MROH2B: variants seen among roughly 807,000 people sequenced by gnomAD.
The protein encoded by MROH2B is maestro heat like repeat family member 2B.
Under a neutral mutation model 208.6 loss-of-function variants are expected in MROH2B, and 177 were observed. That is an observed-to-expected ratio of 0.85 (90% CI 0.75 to 0.96). The LOEUF (loss-of-function observed/expected upper bound fraction) is 0.96. Ranked by LOEUF, MROH2B falls within the 40% of genes least tolerant of loss-of-function variation. The probability of loss-of-function intolerance (pLI) is 0.00; values close to 1 mark genes in which losing one functional copy is unlikely to be tolerated. For synonymous variants in MROH2B, 728 were observed against 659.0 expected, an observed-to-expected ratio of 1.10 and a Z score of -1.60; for missense variants, 2,002 against 1,878.7, an observed-to-expected ratio of 1.07 and a Z score of -1.21.
chr5:41,038,950 T>A, intron 20 of MROH2B, 62 bp from the exon 21 acceptor site: 1 of 1,486,098 alleles, frequency 6.7e-7, no homozygotes, highest in Non-Finnish European at 9.1e-7. Context: ...TTCTCTCATG[T>A]TTTTTTCCTA....
At chr5:41,032,222 C>T (rs2150166447) in intron 24 of MROH2B, among the ~76,000 whole-genome samples, 1 of 152,264 alleles carries the variant, frequency 6.6e-6, no homozygotes, top group South Asian at 2.1e-4. Flanking sequence ...CTTTTCTCCA[C>T]AACCTTAGCA....
At chr5:41,045,686 A>C in intron 18 of MROH2B, 60 bp downstream of exon 18, 1 of 1,257,148 alleles carries the variant, frequency 8.0e-7, no homozygotes, top group Non-Finnish European at 1.2e-6. Context: ...AGATGGAGCT[A>C]GAGCAGCCAT....
At chr5:41,006,032 C>CAAAAAAAAAA (rs5867531) in intron 34 of MROH2B, among the ~76,000 whole-genome samples, 2 of 129,914 alleles carry the variant, frequency 1.5e-5, no homozygotes, top group African/African-American at 5.9e-5. Context: ...ATTCTGTCTC[C>CAAAAAAAAAA]AAAAAAAAAA....
At position 41,042,102 on chromosome 5, in the gene MROH2B, T is replaced by A. The variant is rs16870720; in HGVS notation, c.1943A>T (p.Asp648Val). The change falls in exon 19 of 42, where the codon GAT becomes GTT. Residue 648 changes from aspartate to valine, a missense_variant. By Grantham distance (152) the Asp-to-Val change is radical (BLOSUM62 -3). Transcript: ENST00000399564. ...EFLTAPNQLGDQRQGITSILG... is the reference protein window; with the variant it reads ...EFLTAPNQLGVQRQGITSILG... Reference sequence around the variant, plus strand: ...AGCAAGGGGTCCCACCTGTCTTTGATCCCCCAGTTGGTTGGGAGCAGTCAG... The same window carrying A: ...AGCAAGGGGTCCCACCTGTCTTTGAACCCCCAGTTGGTTGGGAGCAGTCAG... 0.032 allele frequency: 50,648 copies of A among 1,581,954 alleles called. 2,121 individuals carry two copies. The highest frequency in any genetic ancestry group is 0.2 in the East Asian group (8,997 of 43,938).
chr5:41,017,467 C>T lies in MROH2B; in HGVS notation c.2884+383G>A, dbSNP rs754589468. On this transcript the variant is annotated intron_variant, in intron 28 of 41. Transcript: ENST00000399564. Reference sequence around the variant, plus strand: ...TGCCCAATTGCTTAGTGATTTAAATCGGAGACTCTCAAAACATTTTACCTA... The same window carrying T: ...TGCCCAATTGCTTAGTGATTTAAATTGGAGACTCTCAAAACATTTTACCTA... Among the ~76,000 whole-genome samples the T allele has an allele frequency of 1.1e-4, 17 of 152,246 alleles. 1 individual carries two copies. The South Asian group carries it at 1.2e-3, about 11-fold the overall frequency.
intron 9 of MROH2B, 21 bp downstream of exon 9, chr5:41,057,087 GC>G: frequency 6.2e-7 from 1 of 1,612,986 alleles, no homozygotes; most frequent in East Asian, 2.2e-5. Flanking sequence ...TTTATTAAAA[GC>G]CTTCTGGATG....
chr5:41,009,307 A>G lies in MROH2B; in HGVS notation c.3393T>C (p.Asp1131=), dbSNP rs1403517464. 2 of 1,613,826 alleles carry G rather than the reference A, an allele frequency of 1.2e-6. No individual in the cohort carries two copies. The highest frequency in any genetic ancestry group is 1.7e-6 in the Non-Finnish European group (2 of 1,179,832). The change falls in exon 32 of 42, where the codon GAT becomes GAC. Residue 1131 remains aspartate, a synonymous_variant. Transcript: ENST00000399564. ...LIDKLETELE[D]DIARVEAISV... ...AAATTGCCTCAACCCTGGCGATGTC[A>G]TCTTCTAACTCAGTCTCCAGTTTGT...
At chr5:41,064,094 AAGG>A (rs1171961160) in intron 5 of MROH2B, among the ~76,000 whole-genome samples, 1 of 152,190 alleles carries the variant, frequency 6.6e-6, no homozygotes, top group Non-Finnish European at 1.5e-5. Context: ...CCAGTTAGAG[AAGG>A]AGGTCAGTCG....
At chr5:41,030,982 T>C (rs766001222) in intron 24 of MROH2B, among the ~76,000 whole-genome samples, 6 of 152,094 alleles carry the variant, frequency 3.9e-5, no homozygotes, top group African/African-American at 2.4e-5. Flanking sequence ...TGTGGAACTA[T>C]GTAAGGTGAA....
At position 41,021,868 on chromosome 5, in the gene MROH2B, C is replaced by T. The variant is rs112532197; in HGVS notation, c.2442-2850G>A. ...TCCAGCCTGGATGACAGAGTGAGACCCCGTCTCAAAAAACAAAAGCAAAAA... is the reference window on the plus strand; with the variant it reads ...TCCAGCCTGGATGACAGAGTGAGACTCCGTCTCAAAAAACAAAAGCAAAAA... On this transcript the variant is annotated intron_variant, in intron 24 of 41. Transcript: ENST00000399564. Among the ~76,000 whole-genome samples, 788 of 151,892 alleles carry T rather than the reference C, an allele frequency of 5.2e-3. 9 individuals are homozygous for T. The highest frequency in any genetic ancestry group is 0.018 in the African/African-American group (728 of 41,404).
In MROH2B at chr5:41,009,332, T is replaced by C; in HGVS notation, c.3368A>G (p.Asp1123Gly). The change falls in exon 32 of 42, where the codon GAC becomes GGC. Residue 1123 changes from aspartate (D) to glycine (G), a missense_variant. Transcript: ENST00000399564. ...ATCTTCTAACTCAGTCTCCAGTTTG[T>C]CTATTAAGGCTTGCAAGAGTTTCCC... ...SSGKLLQALI[D>G]KLETELEDDI... The C allele has an allele frequency of 6.2e-7, 1 of 1,613,946 alleles. No homozygotes were observed. Among genetic ancestry groups the C allele is most frequent in the Non-Finnish European group, 8.5e-7 (1 of 1,179,820 alleles).
intron 34 of MROH2B, 74 bp from the exon 35 acceptor site, chr5:41,005,719 G>A: frequency 8.0e-7 from 1 of 1,251,316 alleles, no homozygotes; most frequent in Admixed American, 2.0e-5. Flanking sequence ...TTGTTCATCA[G>A]GCAAGTAATT....
At chr5:41,047,822 A>T (rs1428817865) in intron 16 of MROH2B, 58 bp from the exon 17 acceptor site, 2 of 1,444,158 alleles carry the variant, frequency 1.4e-6, no homozygotes, top group African/African-American at 2.8e-5. Context: ...CAAGACTCAA[A>T]TTCTCCCCTC....
chr5:41,062,085 A>G (rs1236075877), intron 5 of MROH2B, among the ~76,000 whole-genome samples: 1 of 148,806 alleles, frequency 6.7e-6, no homozygotes, highest in Non-Finnish European at 1.5e-5. Flanking sequence ...ATTTGACCCA[A>G]CTATTCCAAT....
At chr5:41,061,414 G>T (rs1743633175) in intron 6 of MROH2B, among the ~76,000 whole-genome samples, 156 bp downstream of exon 6, 1 of 152,092 alleles carries the variant, frequency 6.6e-6, no homozygotes, top group South Asian at 2.1e-4. Flanking sequence ...ATAGGGATTT[G>T]AAATAGGTGG....
At chr5:41,042,267 A>T (rs1742979671) in intron 18 of MROH2B, 59 bp from the exon 19 acceptor site, 3 of 1,022,216 alleles carry the variant, frequency 2.9e-6, no homozygotes, top group Non-Finnish European at 3.0e-6. Context: ...ACTCTGATGA[A>T]AAGTGGAAAG....
Position 41,051,023 on chromosome 5 carries a change from AG to A in MROH2B, c.1297del (p.Glu434ArgfsTer3). 1 of 1,567,030 alleles carries A rather than the reference AG, an allele frequency of 6.4e-7. No homozygotes were observed. The highest frequency in any genetic ancestry group is 8.6e-7 in the Non-Finnish European group (1 of 1,163,074). Reference sequence around the variant, plus strand: ...TGGGTCCAGGGTTTTTAAGACCTCAAGGCTTGTTTCTCGGACAGATTCCTCT... The same window carrying A: ...TGGGTCCAGGGTTTTTAAGACCTCAAGCTTGTTTCTCGGACAGATTCCTCT... ...KEEESVRETS[L>X]EVLKTLDPLV... On this transcript the variant is annotated frameshift_variant, in exon 13 of 42. Coordinates refer to ENST00000399564, the MANE Select transcript of MROH2B (RefSeq NM_173489.5). LOFTEE classifies it high-confidence loss of function.
intron 33 of MROH2B, 50 bp downstream of exon 33, chr5:41,008,556 A>G (rs1256766806): frequency 1.9e-6 from 3 of 1,594,154 alleles, no homozygotes; most frequent in Non-Finnish European, 2.6e-6. Flanking sequence ...CCACTCCTGG[A>G]GTCTGGGATT....
intron 10 of MROH2B, 92 bp downstream of exon 10, chr5:41,055,650 C>A: frequency 2.3e-6 from 2 of 888,078 alleles, no homozygotes; most frequent in South Asian, 1.6e-5. Flanking sequence ...TATAAGCATC[C>A]AAAAGACATA....
Sources: gnomAD v4.1 joint callset for allele counts (sites outside exome capture counted in the v4.1 genomes callset) on GRCh38, gnomAD v4.1.1 for gene constraint, MANE v1.5 for transcripts, NCBI Gene and HGNC (gene_info 2026-07-23, HGNC 2026-07-21) for gene names.